AUTS2: variants seen among roughly 807,000 people sequenced by gnomAD.
AUTS2 encodes the protein autism susceptibility gene 2 protein.
In AUTS2, 17 loss-of-function variants were observed where a neutral mutation model predicts 112.4. That is an observed-to-expected ratio of 0.15 (90% CI 0.10 to 0.23). The LOEUF (loss-of-function observed/expected upper bound fraction) is 0.23. Among genes scored for constraint, AUTS2 ranks in the 10% least tolerant of loss-of-function variants. AUTS2 has a pLI of 1.00. For synonymous variants in AUTS2, 751 were observed against 702.7 expected (o/e 1.07, Z -1.09); for missense variants, 1,510 against 1,701.6 (o/e 0.89, Z 1.98).
At position 70,203,963 on chromosome 7, in the gene AUTS2, TAA is replaced by T. The variant is rs34646200; in HGVS notation, c.660+69407_660+69408del. Among the ~76,000 whole-genome samples the T allele has an allele frequency of 4.7e-3, 658 of 138,922 alleles. 4 individuals carry two copies. The highest frequency in any genetic ancestry group is 0.013 in the South Asian group (55 of 4,274). 91.1% of individuals were successfully genotyped at this position (138,922 alleles called of 152,430 possible). On this transcript the variant is annotated intron_variant, in intron 4 of 18. Transcript: ENST00000342771. ...GGCTATTAAAAAAATTTTTAAGCCT[TAA>T]AAAAAAAAAAAAAAGACACTGTATA...
intron 2 of AUTS2, among the ~76,000 whole-genome samples, chr7:70,054,689 C>T (rs146046608): frequency 6.6e-6 from 1 of 152,108 alleles, no homozygotes; most frequent in African/African-American, 2.4e-5. Context: ...GTAAATCATT[C>T]TAGAATTTTG....
At chr7:70,331,888 C>T (rs1266492195) in intron 4 of AUTS2, among the ~76,000 whole-genome samples, 1 of 152,156 alleles carries the variant, frequency 6.6e-6, no homozygotes, top group Non-Finnish European at 1.5e-5. Context: ...AAAGCATTCC[C>T]TTTGAAAACT....
At chr7:70,342,314 T>G (rs966477254) in intron 4 of AUTS2, among the ~76,000 whole-genome samples, 1 of 151,828 alleles carries the variant, frequency 6.6e-6, no homozygotes, top group Non-Finnish European at 1.5e-5. Flanking sequence ...TTCTGGCACA[T>G]AATTTTTTCT....
intron 5 of AUTS2, among the ~76,000 whole-genome samples, chr7:70,627,437 T>G (rs1805010115): frequency 6.6e-6 from 1 of 152,228 alleles, no homozygotes; most frequent in South Asian, 2.1e-4. Flanking sequence ...TTTCTCCCAT[T>G]CTGTGGATTG....
chr7:70,118,209 C>T lies in AUTS2; in HGVS notation c.600C>T (p.Ser200=). 6.3e-7 allele frequency: 1 copy of T among 1,595,568 alleles called. No individual in the cohort carries two copies. Among genetic ancestry groups the T allele is most frequent in the Non-Finnish European group, 8.5e-7 (1 of 1,175,050 alleles). ...GAGAATCCAAGGGCTTCCACCGGAG[C>T]AGCTCTCGGGAAAGGCTCAGTGATG... ...ASGESKGFHR[S]SSRERLSDSS... The change falls in exon 3 of 19, where the codon AGC becomes AGT. Residue 200 remains serine (S), a synonymous_variant. Transcript: ENST00000342771.
At chr7:70,623,480 A>G (rs770705806) in intron 5 of AUTS2, among the ~76,000 whole-genome samples, 8 of 152,292 alleles carry the variant, frequency 5.3e-5, no homozygotes, top group Non-Finnish European at 1.0e-4. Flanking sequence ...TTTAGTTACC[A>G]TCAAATAAAA....
intron 2 of AUTS2, among the ~76,000 whole-genome samples, chr7:69,926,133 C>A (rs1298158318): frequency 6.6e-6 from 1 of 152,142 alleles, no homozygotes; most frequent in Non-Finnish European, 1.5e-5. Context: ...TAATTTTCTT[C>A]TGTAGTTGGT....
At chr7:70,432,471 T>C (rs7802737) in intron 4 of AUTS2, among the ~76,000 whole-genome samples, 2,264 of 152,298 alleles carry the variant, frequency 0.015, 63 homozygotes, top group African/African-American at 0.049. Flanking sequence ...CCATGAATTC[T>C]ACCCACACTG....
At chr7:70,144,278 C>T (rs1350841980) in intron 4 of AUTS2, among the ~76,000 whole-genome samples, 1 of 152,110 alleles carries the variant, frequency 6.6e-6, no homozygotes, top group Non-Finnish European at 1.5e-5. Flanking sequence ...GTTAATATCT[C>T]AACCCAAAAT....
intron 4 of AUTS2, among the ~76,000 whole-genome samples, chr7:70,317,817 G>A (rs564070756): frequency 2.8e-4 from 43 of 152,294 alleles, no homozygotes; most frequent in Middle Eastern, 3.4e-3. Context: ...ACGTGTCTCC[G>A]TTGCTAAGTA....
chr7:70,764,723 T>C (rs1346973805), intron 7 of AUTS2, 29 bp from the exon 8 acceptor site: 1 of 720,200 alleles, frequency 1.4e-6, no homozygotes, highest in Non-Finnish European at 2.6e-6. Flanking sequence ...TTTTATTTTT[T>C]TCTTTTCTTT....
At chr7:70,517,859 C>G (rs1007148601) in intron 5 of AUTS2, among the ~76,000 whole-genome samples, 1 of 151,872 alleles carries the variant, frequency 6.6e-6, no homozygotes, top group Admixed American at 6.6e-5. Flanking sequence ...TGATTTGTAT[C>G]CAGTTACATT....
chr7:70,549,232 A>G lies in AUTS2; in HGVS notation c.690+113451A>G, dbSNP rs570510086. ...TGGTCTTCTATCGTATGACAGCCCA[A>G]TTTTTTTATTAGTTTTAATAGCTGT... On this transcript the variant is annotated intron_variant, in intron 5 of 18. Transcript: ENST00000342771. Among the ~76,000 whole-genome samples the G allele has an allele frequency of 7.2e-5, 11 of 152,226 alleles. No homozygotes were observed. The East Asian group carries it at 1.9e-3, about 27-fold the overall frequency.
chr7:70,385,930 G>A (rs1446721617), intron 4 of AUTS2, among the ~76,000 whole-genome samples: 1 of 152,072 alleles, frequency 6.6e-6, no homozygotes, highest in Non-Finnish European at 1.5e-5. Flanking sequence ...CTACTCAACA[G>A]TATGGTTACT....
intron 5 of AUTS2, among the ~76,000 whole-genome samples, chr7:70,688,876 G>C (rs145322309): frequency 5.3e-5 from 8 of 152,282 alleles, no homozygotes; most frequent in African/African-American, 1.9e-4. Flanking sequence ...TATAGTCGTA[G>C]GCAAAACGGT....
chr7:70,315,499 G>C (rs1001101191), intron 4 of AUTS2, among the ~76,000 whole-genome samples: 5 of 152,148 alleles, frequency 3.3e-5, no homozygotes, highest in African/African-American at 4.8e-5. Context: ...CCCCTGGCCT[G>C]TCTTTCCCCT....
chr7:70,279,094 G>T (rs1003287187), intron 4 of AUTS2, among the ~76,000 whole-genome samples: 2 of 151,996 alleles, frequency 1.3e-5, no homozygotes, highest in South Asian at 4.1e-4. Flanking sequence ...TATACCTTTG[G>T]GTGGGCCTCT....
intron 5 of AUTS2, among the ~76,000 whole-genome samples, chr7:70,643,708 A>G (rs1335602633): frequency 1.1e-4 from 17 of 152,212 alleles, no homozygotes; most frequent in African/African-American, 2.4e-5. Flanking sequence ...TTTTAAATCA[A>G]AGAAACAAAC....
chr7:70,606,678 G>GT (rs1803792262), intron 5 of AUTS2, among the ~76,000 whole-genome samples: 1 of 151,938 alleles, frequency 6.6e-6, no homozygotes. Flanking sequence ...CTCATCAAAA[G>GT]TGGTGAAACC....
Sources: allele counts gnomAD v4.1 joint callset (sites outside exome capture counted in the v4.1 genomes callset), GRCh38; gene constraint gnomAD v4.1.1; transcripts MANE v1.5; gene names NCBI Gene and HGNC (gene_info 2026-07-23, HGNC 2026-07-21).